Variants in SDK1 observed in about 807,000 individuals in gnomAD.
SDK1 encodes the protein protein sidekick-1.
Under a neutral mutation model 245.5 loss-of-function variants are expected in SDK1, and 157 were observed. That is an observed-to-expected ratio of 0.64 (90% confidence interval 0.56 to 0.73). The LOEUF (loss-of-function observed/expected upper bound fraction) is 0.73, where lower values mean the gene tolerates loss of function less well. Ranked by LOEUF, SDK1 falls within the 30% of genes least tolerant of loss-of-function variation. The pLI is 0.00. For missense variants in SDK1, 3,583 were observed against 3,002.3 expected (o/e 1.19, Z -4.52); for synonymous variants, 1,647 against 1,278.5 (o/e 1.29, Z -6.15).
intron 1 of SDK1, among the ~76,000 whole-genome samples, chr7:3,385,422 T>C (rs1781586554): frequency 6.6e-6 from 1 of 152,090 alleles, no homozygotes. Context: ...TCATAAGTAA[T>C]GAACATAAAA....
chr7:3,652,664 C>G (rs928815880), intron 4 of SDK1, among the ~76,000 whole-genome samples: 3 of 152,108 alleles, frequency 2.0e-5, no homozygotes, highest in African/African-American at 7.2e-5. Flanking sequence ...GGGAAACATG[C>G]CAGACTTATG....
At chr7:3,547,664 C>T (rs915880634) in intron 1 of SDK1, among the ~76,000 whole-genome samples, 1 of 152,200 alleles carries the variant, frequency 6.6e-6, no homozygotes, top group Non-Finnish European at 1.5e-5. Context: ...GGCCCTTCAT[C>T]TTGACTGACT....
At position 3,981,981 on chromosome 7, in the gene SDK1, C is replaced by T. The variant is rs188370406; in HGVS notation, c.1995-5205C>T. Among the ~76,000 whole-genome samples, 230 of 152,282 alleles carry T rather than the reference C, an allele frequency of 1.5e-3. 1 individual carries two copies. Among genetic ancestry groups the T allele is most frequent in the African/African-American group, 5.4e-3 (224 of 41,562 alleles). ...AACAGCCTTTTATGGGAAGAAGATA[C>T]CATCTAGGACTTTCCTAGTTACGGA... On this transcript the variant is annotated intron_variant, in intron 13 of 44. Coordinates refer to ENST00000404826, the MANE Select transcript of SDK1 (RefSeq NM_152744.4).
intron 1 of SDK1, among the ~76,000 whole-genome samples, chr7:3,342,165 G>A (rs1431836738): frequency 6.6e-6 from 1 of 152,170 alleles, no homozygotes; most frequent in Non-Finnish European, 1.5e-5. Context: ...CTCAACAAAT[G>A]GTGTTGGAGC....
intron 22 of SDK1, among the ~76,000 whole-genome samples, chr7:4,100,505 C>T (rs537932653): frequency 5.9e-5 from 9 of 152,140 alleles, no homozygotes; most frequent in East Asian, 1.9e-4. Flanking sequence ...ACCCCCAAGG[C>T]GAGGGTGTCA....
intron 1 of SDK1, among the ~76,000 whole-genome samples, chr7:3,618,865 C>A (rs567106738): frequency 1.3e-5 from 2 of 152,172 alleles, no homozygotes; most frequent in Non-Finnish European, 2.9e-5. Flanking sequence ...CTTTCAAATG[C>A]GGGTATCATT....
In SDK1 at chr7:4,051,768, G is replaced by C; in HGVS notation, c.2849G>C (p.Cys950Ser). 6.2e-7 allele frequency: 1 copy of C among 1,613,946 alleles called. No homozygotes were observed. The change falls in exon 19 of 45, where the codon TGC becomes TCC. Residue 950 changes from cysteine (C) to serine (S), a missense_variant. Cys to Ser is a moderately radical substitution (Grantham distance 112, BLOSUM62 -1). Coordinates refer to ENST00000404826, the MANE Select transcript of SDK1 (RefSeq NM_152744.4). ...ACCGCCTACTTCACTTCCGTTCTGT[G>C]CTTCACCACCCCTGGGGACGGGCCT... ...KFTAYFTSVLCFTTPGDGPPS... is the reference protein window; with the variant it reads ...KFTAYFTSVLSFTTPGDGPPS...
intron 1 of SDK1, among the ~76,000 whole-genome samples, chr7:3,601,338 A>C (rs140667310): frequency 6.6e-6 from 1 of 152,178 alleles, no homozygotes; most frequent in Non-Finnish European, 1.5e-5. Flanking sequence ...AGTGAAATCA[A>C]CTGGGTCTGG....
Position 3,578,819 on chromosome 7 carries a change from C to G in SDK1, c.299-40261C>G, listed in dbSNP as rs1213028781. The stretch of plus-strand genomic sequence containing the variant: ...TCCCTAAAATCGCTGTTATTCTGTT[C>G]TTTTTCAAGGTGCACTGATTTCATA... On this transcript the variant is annotated intron_variant, in intron 1 of 44. Transcript: ENST00000404826. Among the ~76,000 whole-genome samples, 7 of 151,786 alleles carry G rather than the reference C, an allele frequency of 4.6e-5. 1 individual carries two copies. The highest frequency in any genetic ancestry group is 1.0e-4 in the Non-Finnish European group (7 of 67,896).
At chr7:4,135,685 C>G (rs1380039140) in intron 28 of SDK1, among the ~76,000 whole-genome samples, 2 of 152,220 alleles carry the variant, frequency 1.3e-5, no homozygotes, top group Non-Finnish European at 1.5e-5. Flanking sequence ...TTCCCCATCC[C>G]TCAAAGGGGA....
chr7:4,094,254 G>GT (rs1781997337), intron 22 of SDK1, among the ~76,000 whole-genome samples: 1 of 152,158 alleles, frequency 6.6e-6, no homozygotes, highest in Admixed American at 6.5e-5. Flanking sequence ...TAGAGAGGGG[G>GT]TTTTGCCATG....
At chr7:3,907,115 C>CT (rs59798410) in intron 5 of SDK1, among the ~76,000 whole-genome samples, 40,521 of 151,996 alleles carry the variant, frequency 0.27, 6,574 homozygotes, top group African/African-American at 0.45. Flanking sequence ...TATATTCTCT[C>CT]TTTTTTTATT....
At chr7:3,313,738 T>A (rs1407514960) in intron 1 of SDK1, among the ~76,000 whole-genome samples, 2 of 152,182 alleles carry the variant, frequency 1.3e-5, no homozygotes, top group African/African-American at 4.8e-5. Context: ...TCAAGAGATC[T>A]GTTGTACAAC....
chr7:3,355,696 T>C (rs73292182), intron 1 of SDK1, among the ~76,000 whole-genome samples: 2,370 of 152,254 alleles, frequency 0.016, 67 homozygotes, highest in African/African-American at 0.054. Flanking sequence ...CACCCGTCAT[T>C]GCAATTTATA....
At chr7:4,143,768 A>G (rs1042182053) in intron 28 of SDK1, among the ~76,000 whole-genome samples, 3 of 152,156 alleles carry the variant, frequency 2.0e-5, no homozygotes, top group South Asian at 2.1e-4. Flanking sequence ...GTAGGCACCC[A>G]TGGGGCTCCA....
intron 7 of SDK1, among the ~76,000 whole-genome samples, chr7:3,957,862 AT>A (rs1781393633): frequency 1.3e-5 from 2 of 152,154 alleles, no homozygotes; most frequent in African/African-American, 4.8e-5. Flanking sequence ...CTTCTAATGA[AT>A]TTGCAGCCAT....
intron 4 of SDK1, among the ~76,000 whole-genome samples, chr7:3,727,781 G>A (rs952538527): frequency 3.9e-5 from 6 of 152,078 alleles, no homozygotes; most frequent in African/African-American, 1.2e-4. Flanking sequence ...ATGAGCCACC[G>A]CGCCCGGCCG....
At chr7:3,659,557 C>T (rs7791963) in intron 4 of SDK1, among the ~76,000 whole-genome samples, 21 of 152,238 alleles carry the variant, frequency 1.4e-4, no homozygotes, top group African/African-American at 3.9e-4. Flanking sequence ...GTACATTCTC[C>T]GAGGAGAGTG....
At chr7:3,352,783 C>G (rs1418689747) in intron 1 of SDK1, among the ~76,000 whole-genome samples, 4 of 149,274 alleles carry the variant, frequency 2.7e-5, no homozygotes, top group Admixed American at 6.7e-5. Flanking sequence ...TTTCTCTTCT[C>G]TTTTCACAAA....
Sources: allele counts gnomAD v4.1 joint callset (sites outside exome capture counted in the v4.1 genomes callset), GRCh38; gene constraint gnomAD v4.1.1; transcripts MANE v1.5; gene names NCBI Gene and HGNC (gene_info 2026-07-23, HGNC 2026-07-21).